Variants in CACNA1B observed in about 807,000 individuals in gnomAD.
CACNA1B encodes the protein calcium voltage-gated channel subunit alpha1 B.
In CACNA1B, 70 loss-of-function variants were observed where a neutral mutation model predicts 247.2. The ratio of observed to expected loss-of-function variants is 0.28; its 90% CI spans 0.23 to 0.35. The LOEUF is 0.35. Ranked by LOEUF, CACNA1B falls within the 10% of genes least tolerant of loss-of-function variation. The probability of loss-of-function intolerance (pLI) is 1.00; values close to 1 mark genes in which losing one functional copy is unlikely to be tolerated. For missense variants in CACNA1B, 2,367 were observed against 3,197.4 expected (o/e 0.74, Z 6.26); for synonymous variants, 1,231 against 1,294.4 (o/e 0.95, Z 1.05).
intron 6 of CACNA1B, among the ~76,000 whole-genome samples, chr9:137,928,186 C>G (rs570559279): frequency 2.6e-5 from 4 of 152,258 alleles, no homozygotes; most frequent in Admixed American, 2.6e-4. Flanking sequence ...CAATCTCCGC[C>G]TCCAAGGTTC....
At position 138,009,969 on chromosome 9, in the gene CACNA1B, A is replaced by G. The variant is rs1287829350; in HGVS notation, c.2093-41A>G. ...GGGAAGCTGCAGTGTGACTGGGGCC[A>G]TGTGGGGCAGAGGTTCCCTTCCTCA... On this transcript the variant is annotated intron_variant, in intron 16 of 46. Transcript: ENST00000371372. The G allele has an allele frequency of 3.3e-6, 5 of 1,531,748 alleles. No homozygotes were observed. The East Asian group carries it at 6.8e-5, about 21-fold the overall frequency. The allele number at this position is 1,531,748 out of a possible 1,614,324, so 94.9% of individuals were successfully genotyped here.
chr9:138,066,759 T>C (rs1959932947), intron 31 of CACNA1B, among the ~76,000 whole-genome samples: 1 of 152,108 alleles, frequency 6.6e-6, no homozygotes, highest in Non-Finnish European at 1.5e-5. Flanking sequence ...AGAAAGAAAT[T>C]TACAGCCTTA....
In CACNA1B at chr9:138,011,756, C is replaced by T. The variant is rs1179392140; in HGVS notation, c.2161-1373C>T. ...CTGGGCTTGAAGTTCGAAGGTCTCTCCTCTGTGGAGGGAAATTCGCAGGCA... is the reference window on the plus strand; with the variant it reads ...CTGGGCTTGAAGTTCGAAGGTCTCTTCTCTGTGGAGGGAAATTCGCAGGCA... On this transcript the variant is annotated intron_variant, in intron 17 of 46. Transcript: ENST00000371372. This position sits in a 1 kb window ranked among gnomAD's most constrained non-coding sequence, Gnocchi z 4.2. Among the ~76,000 whole-genome samples, 1 of 152,174 alleles carries T rather than the reference C, an allele frequency of 6.6e-6. No individual in the cohort carries two copies. Among genetic ancestry groups the T allele is most frequent in the Non-Finnish European group, 1.5e-5 (1 of 68,036 alleles).
chr9:138,047,320 G>A, intron 22 of CACNA1B, 79 bp from the exon 23 acceptor site: 1 of 1,093,380 alleles, frequency 9.1e-7, no homozygotes, highest in South Asian at 1.3e-5. Context: ...AGGCCTGGAG[G>A]AAAAACTCGG....
intron 36 of CACNA1B, among the ~76,000 whole-genome samples, chr9:138,082,960 G>A (rs1419753765): frequency 1.3e-5 from 2 of 150,916 alleles, no homozygotes; most frequent in Non-Finnish European, 2.9e-5. Context: ...GGATCAGCTG[G>A]GACCTAGGAG....
chr9:137,897,800 C>T (rs1229822552), intron 3 of CACNA1B, among the ~76,000 whole-genome samples: 5 of 152,030 alleles, frequency 3.3e-5, no homozygotes, highest in East Asian at 3.9e-4. Context: ...CTGCCTCAGC[C>T]TCCCGAGTAG....
At chr9:137,903,019 T>C (rs1323107646) in intron 3 of CACNA1B, among the ~76,000 whole-genome samples, 1 of 152,250 alleles carries the variant, frequency 6.6e-6, no homozygotes, top group African/African-American at 2.4e-5. Context: ...CCTATATCTT[T>C]AGACATCTCT....
intron 44 of CACNA1B, 46 bp downstream of exon 44, chr9:138,118,814 G>C: frequency 1.2e-6 from 1 of 862,390 alleles, no homozygotes; most frequent in East Asian, 2.8e-5. Flanking sequence ...GCAAGTGGGG[G>C]GTGGGGAAGT....
At chr9:138,017,746 C>T (rs567481297) in intron 18 of CACNA1B, among the ~76,000 whole-genome samples, 87 of 152,340 alleles carry the variant, frequency 5.7e-4, no homozygotes, top group African/African-American at 2.0e-3. Context: ...AAGGCAGAGA[C>T]ACGGAAACTC....
intron 6 of CACNA1B, among the ~76,000 whole-genome samples, chr9:137,943,633 T>C (rs1300787397): frequency 1.3e-5 from 2 of 152,006 alleles, no homozygotes; most frequent in Non-Finnish European, 2.9e-5. Context: ...AAAGAGTATA[T>C]TTGGAAGAAG....
At chr9:137,991,814 C>G (rs1454279121) in intron 15 of CACNA1B, among the ~76,000 whole-genome samples, 3 of 152,092 alleles carry the variant, frequency 2.0e-5, no homozygotes, top group African/African-American at 7.2e-5. Context: ...AATTATCAGC[C>G]AAGAATTTTG....
intron 5 of CACNA1B, among the ~76,000 whole-genome samples, chr9:137,916,986 G>A (rs939129694): frequency 1.3e-5 from 2 of 152,122 alleles, no homozygotes; most frequent in Admixed American, 6.5e-5. Flanking sequence ...ACCATCAAGT[G>A]ATGGTGGGCA....
intron 12 of CACNA1B, 46 bp from the exon 13 acceptor site, chr9:137,984,092 C>T (rs1043013073): frequency 1.3e-5 from 18 of 1,352,346 alleles, no homozygotes; most frequent in Non-Finnish European, 1.8e-5. Context: ...TCTGCATGCA[C>T]AGGTGCAGAT....
intron 20 of CACNA1B, among the ~76,000 whole-genome samples, chr9:138,035,987 T>C (rs1444549640): frequency 6.6e-6 from 1 of 152,226 alleles, no homozygotes; most frequent in African/African-American, 2.4e-5. Flanking sequence ...TTTAAATTTC[T>C]AATTGACAGA....
chr9:137,900,607 GTC>G (rs1957225203), intron 3 of CACNA1B, among the ~76,000 whole-genome samples: 1 of 151,112 alleles, frequency 6.6e-6, no homozygotes, highest in African/African-American at 2.4e-5. Flanking sequence ...TGTGCCGTGT[GTC>G]TCTGTGTCTG....
chr9:138,117,594 C>A (rs760964603), intron 42 of CACNA1B, among the ~76,000 whole-genome samples: 1 of 152,240 alleles, frequency 6.6e-6, no homozygotes, highest in Non-Finnish European at 1.5e-5. Context: ...CTTCACAGAT[C>A]AGCCTCTTGT....
chr9:137,888,625 A>C lies in CACNA1B; in HGVS notation c.530+5742A>C, dbSNP rs1957051758. ...CTGGGATTTCTTTCCAGGACATGTA[A>C]TTAGAGCCCAGCTTTCTCCCTGGAC... On this transcript the variant is annotated intron_variant, in intron 3 of 46. Coordinates refer to ENST00000371372, the MANE Select transcript of CACNA1B (RefSeq NM_000718.4). This position sits in a 1 kb window ranked among gnomAD's most constrained non-coding sequence, Gnocchi z 4.7. 1.3e-5 allele frequency among the ~76,000 whole-genome samples: 2 copies of C among 152,286 alleles called. No homozygotes were observed. Among genetic ancestry groups the C allele is most frequent in the South Asian group, 4.1e-4 (2 of 4,824 alleles).
At position 138,115,223 on chromosome 9, in the gene CACNA1B, G is replaced by T. The variant is rs75862552; in HGVS notation, c.5650-329G>T. Among the ~76,000 whole-genome samples, 1,896 of 152,282 alleles carry T rather than the reference G, an allele frequency of 0.012. 80 individuals are homozygous for T. In the East Asian group the frequency reaches 0.16, roughly 13 times the overall value. Reference sequence around the variant, plus strand: ...GGTGATGATTAGATGGAATATTGTTGCCACCTGTAATCTGGTCCAATCCCC... The same window carrying T: ...GGTGATGATTAGATGGAATATTGTTTCCACCTGTAATCTGGTCCAATCCCC... On this transcript the variant is annotated intron_variant, in intron 41 of 46. Coordinates refer to ENST00000371372, the MANE Select transcript of CACNA1B (RefSeq NM_000718.4).
chr9:138,050,039 CTG>C lies in CACNA1B; in HGVS notation c.3710+726_3710+727del. ...AGGGCTGCTCCTGGTGCCACTGACT[CTG>C]TTCTCTTTGTCTTCCTCTTGCTGGA... On this transcript the variant is annotated intron_variant, in intron 24 of 46. Coordinates refer to ENST00000371372, the MANE Select transcript of CACNA1B (RefSeq NM_000718.4). This position sits in a 1 kb window ranked among gnomAD's most constrained non-coding sequence, Gnocchi z 5.2. The C allele has an allele frequency of 1.6e-6, 2 of 1,288,408 alleles. No individual in the cohort carries two copies. Among genetic ancestry groups the C allele is most frequent in the Non-Finnish European group, 1.0e-6 (1 of 987,572 alleles). The allele number at this position is 1,288,408 out of a possible 1,614,324, so 79.8% of individuals were successfully genotyped here. A position where few individuals can be genotyped will look rare whatever the true frequency, so the allele number is the denominator to read the frequency against.
Sources: gnomAD v4.1 joint callset for allele counts (sites outside exome capture counted in the v4.1 genomes callset) on GRCh38, gnomAD v4.1.1 for gene constraint, Gnocchi (gnomAD v3.1) non-coding constraint, MANE v1.5 for transcripts, NCBI Gene and HGNC (gene_info 2026-07-23, HGNC 2026-07-21) for gene names.